STAC: variants seen among roughly 807,000 people sequenced by gnomAD.
STAC encodes the protein SH3 and cysteine rich domain.
STAC carries 43 observed loss-of-function variants against 48.8 expected under a neutral mutation model. The observed-to-expected ratio is 0.88, with a 90% CI of 0.69 to 1.14. The LOEUF is 1.14. STAC is among the 50% of genes most tolerant of loss of function. STAC has a pLI of 0.00. For missense variants in STAC, 497 were observed against 504.0 expected (o/e 0.99, Z 0.13); for synonymous variants, 193 against 179.5 (o/e 1.07, Z -0.60).
intron 6 of STAC, among the ~76,000 whole-genome samples, chr3:36,502,987 C>G (rs959450707): frequency 9.2e-5 from 14 of 152,192 alleles, no homozygotes; most frequent in African/African-American, 2.9e-4. Context: ...TACAGAGGCT[C>G]TTGTTCTGAA....
chr3:36,474,600 A>G (rs1044377446), intron 2 of STAC, among the ~76,000 whole-genome samples: 6 of 152,142 alleles, frequency 3.9e-5, no homozygotes, highest in African/African-American at 1.4e-4. Flanking sequence ...CTAGCTGCAT[A>G]TTGTTGGGCC....
chr3:36,529,058 T>A, intron 10 of STAC, 73 bp downstream of exon 10: 1 of 1,405,532 alleles, frequency 7.1e-7, no homozygotes, highest in Non-Finnish European at 9.5e-7. Flanking sequence ...TAATAATATG[T>A]ATAAATCTGA....
chr3:36,390,301 C>T (rs779506127), intron 1 of STAC, among the ~76,000 whole-genome samples: 13 of 152,156 alleles, frequency 8.5e-5, no homozygotes, highest in Non-Finnish European at 1.9e-4. Flanking sequence ...AGACATCCCA[C>T]TCATGTTCAC....
intron 7 of STAC, among the ~76,000 whole-genome samples, chr3:36,504,805 T>C (rs1323023839): frequency 6.6e-6 from 1 of 152,066 alleles, no homozygotes; most frequent in African/African-American, 2.4e-5. Flanking sequence ...TTATATAATG[T>C]ACCTGAGCTT....
chr3:36,479,999 G>T (rs1386581353), intron 2 of STAC, among the ~76,000 whole-genome samples: 4 of 152,190 alleles, frequency 2.6e-5, no homozygotes, highest in African/African-American at 9.6e-5. Flanking sequence ...ATTGCTGGTA[G>T]TCTGGTTCAT....
At chr3:36,454,388 C>T (rs895425202) in intron 2 of STAC, among the ~76,000 whole-genome samples, 1 of 152,026 alleles carries the variant, frequency 6.6e-6, no homozygotes, top group Non-Finnish European at 1.5e-5. Flanking sequence ...CCTGAGCCAG[C>T]GAGACCACGA....
intron 2 of STAC, among the ~76,000 whole-genome samples, chr3:36,454,773 T>C (rs1696802768): frequency 6.6e-6 from 1 of 152,164 alleles, no homozygotes; most frequent in East Asian, 1.9e-4. Flanking sequence ...CTGTAAACTG[T>C]TTATTTTACT....
intron 1 of STAC, among the ~76,000 whole-genome samples, chr3:36,411,473 A>C (rs1700193498): frequency 6.6e-6 from 1 of 152,194 alleles, no homozygotes; most frequent in South Asian, 2.1e-4. Context: ...AACACACAGA[A>C]TATATTTGCA....
intron 2 of STAC, among the ~76,000 whole-genome samples, chr3:36,453,849 G>A (rs964158576): frequency 6.6e-6 from 1 of 152,226 alleles, no homozygotes; most frequent in African/African-American, 2.4e-5. Context: ...TCTAGCTCAA[G>A]GTTTGTAAAC....
At chr3:36,426,652 G>A (rs1054262083) in intron 1 of STAC, among the ~76,000 whole-genome samples, 3 of 152,126 alleles carry the variant, frequency 2.0e-5, no homozygotes, top group Non-Finnish European at 4.4e-5. Flanking sequence ...GTCTCCAGAC[G>A]TGACTTAGAA....
At chr3:36,451,036 A>C (rs1434484320) in intron 2 of STAC, among the ~76,000 whole-genome samples, 3 of 152,152 alleles carry the variant, frequency 2.0e-5, no homozygotes, top group African/African-American at 7.2e-5. Flanking sequence ...ATTCTCAAAC[A>C]GAAGAGGATT....
chr3:36,384,731 G>A (rs755330532), intron 1 of STAC, among the ~76,000 whole-genome samples: 2 of 152,064 alleles, frequency 1.3e-5, no homozygotes, highest in Non-Finnish European at 2.9e-5. Context: ...ATTTTGAAAT[G>A]GTGCTATAAG....
intron 1 of STAC, among the ~76,000 whole-genome samples, chr3:36,400,883 G>C (rs1699987734): frequency 6.6e-6 from 1 of 152,124 alleles, no homozygotes; most frequent in East Asian, 1.9e-4. Context: ...TCATATGAAA[G>C]GGCTCCGATT....
chr3:36,488,535 A>C (rs756541628), intron 5 of STAC, among the ~76,000 whole-genome samples: 2 of 152,116 alleles, frequency 1.3e-5, no homozygotes, highest in Non-Finnish European at 2.9e-5. Flanking sequence ...GATCTCTGTC[A>C]CATTCCTTTA....
chr3:36,523,280 T>C (rs1211728723), intron 8 of STAC, among the ~76,000 whole-genome samples: 1 of 152,240 alleles, frequency 6.6e-6, no homozygotes, highest in African/African-American at 2.4e-5. Context: ...TTGCAAATCT[T>C]CCTCTGGGCC....
chr3:36,538,244 A>G (rs1699243817), intron 10 of STAC, among the ~76,000 whole-genome samples: 1 of 152,098 alleles, frequency 6.6e-6, no homozygotes, highest in African/African-American at 2.4e-5. Flanking sequence ...AAATTTATTC[A>G]TATATATATG....
intron 1 of STAC, among the ~76,000 whole-genome samples, chr3:36,382,449 A>G (rs566945354): frequency 5.9e-5 from 9 of 152,330 alleles, no homozygotes; most frequent in African/African-American, 1.9e-4. Context: ...GCCCATAATT[A>G]TCCACCAATT....
At chr3:36,410,140 C>A (rs1348506739) in intron 1 of STAC, among the ~76,000 whole-genome samples, 1 of 152,066 alleles carries the variant, frequency 6.6e-6, no homozygotes, top group African/African-American at 2.4e-5. Flanking sequence ...GAAATGTTAT[C>A]ATTACAAAGG....
chr3:36,506,565 G>A (rs777544614), intron 8 of STAC, among the ~76,000 whole-genome samples: 45 of 152,166 alleles, frequency 3.0e-4, no homozygotes, highest in Non-Finnish European at 5.6e-4. Flanking sequence ...CATGAGCATG[G>A]AATGTTCTTC....
Sources: gnomAD v4.1 joint callset for allele counts (sites outside exome capture counted in the v4.1 genomes callset) on GRCh38, gnomAD v4.1.1 for gene constraint, MANE v1.5 for transcripts, NCBI Gene and HGNC (gene_info 2026-07-23, HGNC 2026-07-21) for gene names.